RAP1GAP2: variants seen among roughly 807,000 people sequenced by gnomAD.
RAP1GAP2 encodes rap1 GTPase-activating protein 2.
RAP1GAP2 carries 27 observed loss-of-function variants against 95.0 expected under a neutral mutation model. That is an observed-to-expected ratio of 0.28 (90% CI 0.21 to 0.39). RAP1GAP2 has a LOEUF of 0.39. Ranked by LOEUF, RAP1GAP2 falls within the 10% of genes least tolerant of loss-of-function variation. The pLI, the probability that RAP1GAP2 is intolerant of heterozygous loss-of-function variation, is 1.00. For missense variants in RAP1GAP2, 771 were observed against 970.0 expected, an observed-to-expected ratio of 0.79 and a Z score of 2.72; for synonymous variants, 373 against 380.9, an observed-to-expected ratio of 0.98 and a Z score of 0.24.
At chr17:2,863,345 A>G (rs892479394) in intron 2 of RAP1GAP2, among the ~76,000 whole-genome samples, 7 of 152,170 alleles carry the variant, frequency 4.6e-5, no homozygotes, top group African/African-American at 1.4e-4. Flanking sequence ...TCAGTTATGA[A>G]CACTGTATTT....
intron 3 of RAP1GAP2, among the ~76,000 whole-genome samples, chr17:2,947,651 G>C (rs2043751910): frequency 6.6e-6 from 1 of 152,136 alleles, no homozygotes; most frequent in Admixed American, 6.5e-5. Context: ...CTGTTCTGCA[G>C]CCAGCCTGGT....
intron 8 of RAP1GAP2, among the ~76,000 whole-genome samples, chr17:2,967,091 A>G (rs572291041): frequency 1.1e-4 from 17 of 152,338 alleles, no homozygotes; most frequent in South Asian, 2.1e-4. Context: ...TGTTGTGGCC[A>G]GGCACGGTGG....
At chr17:2,950,748 T>C (rs2043894939) in intron 3 of RAP1GAP2, among the ~76,000 whole-genome samples, 1 of 151,740 alleles carries the variant, frequency 6.6e-6, no homozygotes, top group Non-Finnish European at 1.5e-5. Context: ...ATAGCTGGGA[T>C]TACAGGTGCC....
At position 2,763,093 on chromosome 17, in the gene RAP1GAP2, G is replaced by A. The variant is rs1338718867; in HGVS notation, c.51-7236G>A. Among the ~76,000 whole-genome samples the A allele has an allele frequency of 5.3e-5, 8 of 152,198 alleles. 1 individual carries two copies. In the East Asian group the frequency reaches 1.5e-3, roughly 29 times the overall value. The stretch of plus-strand genomic sequence containing the variant: ...AGATACACGGCAAGGTGATAGGGAA[G>A]ATAGTTGGAGATGGCAGTTTACTTT... On this transcript the variant is annotated intron_variant, in intron 1 of 25. Coordinates refer to the RAP1GAP2 transcript ENST00000637138.
At chr17:2,890,735 A>T (rs1475254238) in intron 2 of RAP1GAP2, among the ~76,000 whole-genome samples, 2 of 146,636 alleles carry the variant, frequency 1.4e-5, no homozygotes, top group Admixed American at 1.4e-4. Flanking sequence ...CCCAGGCTGG[A>T]GTGCAGTGGC....
intron 3 of RAP1GAP2, among the ~76,000 whole-genome samples, chr17:2,942,853 C>T (rs751864572): frequency 9.2e-5 from 14 of 152,090 alleles, no homozygotes; most frequent in South Asian, 2.1e-4. Flanking sequence ...CTGCAACCTC[C>T]GCCTCCTGAG....
At chr17:2,987,486 C>T (rs995538881) in intron 11 of RAP1GAP2, among the ~76,000 whole-genome samples, 3 of 152,154 alleles carry the variant, frequency 2.0e-5, no homozygotes, top group East Asian at 3.9e-4. Context: ...TCAGCTCCCT[C>T]GAGCAGCTGG....
At chr17:2,967,326 G>A (rs1479473209) in intron 8 of RAP1GAP2, among the ~76,000 whole-genome samples, 2 of 152,106 alleles carry the variant, frequency 1.3e-5, no homozygotes, top group Admixed American at 6.6e-5. Context: ...AGCAAGGATC[G>A]CACCACTGCA....
intron 2 of RAP1GAP2, among the ~76,000 whole-genome samples, chr17:2,811,332 G>T (rs1007792529): frequency 6.6e-6 from 1 of 152,176 alleles, no homozygotes; most frequent in Non-Finnish European, 1.5e-5. Context: ...CCTGAGCAGG[G>T]GTGCTGCTAA....
chr17:2,942,979 G>A (rs912917678), intron 3 of RAP1GAP2, among the ~76,000 whole-genome samples: 1 of 152,164 alleles, frequency 6.6e-6, no homozygotes, highest in South Asian at 2.1e-4. Context: ...ATGTTGGTCA[G>A]GCTGGTCTTG....
chr17:2,838,657 T>C (rs2071248219), intron 2 of RAP1GAP2, among the ~76,000 whole-genome samples: 2 of 152,112 alleles, frequency 1.3e-5, no homozygotes, highest in Admixed American at 1.3e-4. Flanking sequence ...CGGGTGGAAT[T>C]GGATGAATTG....
intron 23 of RAP1GAP2, 39 bp from the exon 24 acceptor site, chr17:3,032,372 T>C (rs1261181657): frequency 7.4e-6 from 12 of 1,613,558 alleles, no homozygotes; most frequent in Admixed American, 5.0e-5. Context: ...CTGTGCTGTC[T>C]GGTTATTTAA....
chr17:3,014,545 A>ATTT (rs10542901), intron 17 of RAP1GAP2, among the ~76,000 whole-genome samples: 36 of 105,090 alleles, frequency 3.4e-4, no homozygotes, highest in East Asian at 1.1e-3. Flanking sequence ...AAAGATGCTG[A>ATTT]TTTTTTTTTT....
chr17:2,947,988 T>A (rs2043770171), intron 3 of RAP1GAP2, among the ~76,000 whole-genome samples: 1 of 152,136 alleles, frequency 6.6e-6, no homozygotes, highest in African/African-American at 2.4e-5. Context: ...TCCATCCTTG[T>A]CTTCTGGTAA....
intron 2 of RAP1GAP2, among the ~76,000 whole-genome samples, chr17:2,886,147 GT>G: frequency 9.4e-6 from 1 of 106,782 alleles, no homozygotes; most frequent in Admixed American, 9.2e-5. Flanking sequence ...GTGTGTGTGT[GT>G]GTGTGTGTGT....
chr17:2,853,858 G>A (rs1431123712), intron 2 of RAP1GAP2: 2 of 928,972 alleles, frequency 2.2e-6, no homozygotes, highest in Non-Finnish European at 2.6e-6. Context: ...CCCCCGGGGC[G>A]CACCTAGGCG....
At chr17:2,974,967 G>A (rs753631297) in intron 8 of RAP1GAP2, among the ~76,000 whole-genome samples, 1 of 152,202 alleles carries the variant, frequency 6.6e-6, no homozygotes, top group Non-Finnish European at 1.5e-5. Context: ...GGTAGCTCAC[G>A]CCTGTAATCC....
intron 3 of RAP1GAP2, among the ~76,000 whole-genome samples, chr17:2,949,494 G>C (rs1337565220): frequency 1.3e-5 from 2 of 151,338 alleles, no homozygotes; most frequent in Non-Finnish European, 2.9e-5. Flanking sequence ...TGTGCCCTGA[G>C]CATTAACTGA....
At chr17:2,895,128 T>C (rs2073847568) in intron 2 of RAP1GAP2, among the ~76,000 whole-genome samples, 1 of 152,202 alleles carries the variant, frequency 6.6e-6, no homozygotes, top group African/African-American at 2.4e-5. Flanking sequence ...GTGGACTTGT[T>C]TCAGAAGGCA....
Sources: gnomAD v4.1 joint callset for allele counts (sites outside exome capture counted in the v4.1 genomes callset) on GRCh38, gnomAD v4.1.1 for gene constraint, MANE v1.5 for transcripts, NCBI Gene and HGNC (gene_info 2026-07-23, HGNC 2026-07-21) for gene names.